Variants in GRID2 observed in about 807,000 individuals in gnomAD.
GRID2 encodes the protein glutamate receptor ionotropic, delta-2.
GRID2 carries 33 observed loss-of-function variants against 114.8 expected under a neutral mutation model. That is an observed-to-expected ratio of 0.29 (90% CI 0.22 to 0.38). GRID2 has a LOEUF of 0.38. Ranked by LOEUF, GRID2 falls within the 10% of genes least tolerant of loss-of-function variation. GRID2 has a pLI of 1.00. For synonymous variants in GRID2, 505 were observed against 449.9 expected (o/e 1.12, Z -1.55); for missense variants, 1,184 against 1,257.7 (o/e 0.94, Z 0.89).
intron 9 of GRID2, among the ~76,000 whole-genome samples, chr4:93,407,740 TC>T (rs1766626071): frequency 8.1e-6 from 1 of 123,196 alleles, no homozygotes; most frequent in East Asian, 2.3e-4. Context: ...CTCCTCCTCC[TC>T]CTCCTCCTCC....
At chr4:92,751,928 C>A (rs1450641181) in intron 2 of GRID2, among the ~76,000 whole-genome samples, 1 of 152,144 alleles carries the variant, frequency 6.6e-6, no homozygotes, top group African/African-American at 2.4e-5. Flanking sequence ...GCCACCTAGA[C>A]AGTTTGGATG....
At chr4:93,658,464 A>G (rs547749085) in intron 14 of GRID2, among the ~76,000 whole-genome samples, 18 of 152,320 alleles carry the variant, frequency 1.2e-4, no homozygotes, top group African/African-American at 2.9e-4. Context: ...AGAGCTTTAT[A>G]TACCTCTTGT....
chr4:92,332,138 A>T (rs530528511), intron 1 of GRID2, among the ~76,000 whole-genome samples: 1 of 152,292 alleles, frequency 6.6e-6, no homozygotes, highest in South Asian at 2.1e-4. Context: ...CTGCTGCTAT[A>T]GGATAATATC....
intron 14 of GRID2, among the ~76,000 whole-genome samples, chr4:93,716,318 G>T (rs191030193): frequency 1.3e-5 from 2 of 152,154 alleles, no homozygotes; most frequent in East Asian, 3.9e-4. Flanking sequence ...AAATAATTAC[G>T]TATTAAAATT....
chr4:93,361,045 C>T (rs2149274796), intron 8 of GRID2, among the ~76,000 whole-genome samples: 1 of 151,992 alleles, frequency 6.6e-6, no homozygotes, highest in Non-Finnish European at 1.5e-5. Flanking sequence ...ATAACCATTG[C>T]TATACTGGCT....
At chr4:92,735,295 T>TAGG (rs1736537857) in intron 2 of GRID2, among the ~76,000 whole-genome samples, 1 of 152,110 alleles carries the variant, frequency 6.6e-6, no homozygotes, top group Non-Finnish European at 1.5e-5. Context: ...TACATTATAT[T>TAGG]TTTCTTATAC....
At chr4:92,721,712 G>C (rs149599338) in intron 2 of GRID2, among the ~76,000 whole-genome samples, 1 of 152,000 alleles carries the variant, frequency 6.6e-6, no homozygotes, top group Non-Finnish European at 1.5e-5. Context: ...TAAATATTTT[G>C]TGGCTGCCTC....
intron 2 of GRID2, among the ~76,000 whole-genome samples, chr4:92,955,849 C>T (rs1035956727): frequency 3.3e-5 from 5 of 152,054 alleles, no homozygotes; most frequent in Non-Finnish European, 7.4e-5. Context: ...AGCCAGTTTT[C>T]CCAGCACCAT....
intron 1 of GRID2, among the ~76,000 whole-genome samples, chr4:92,483,555 G>A (rs1393502636): frequency 2.6e-5 from 4 of 152,044 alleles, no homozygotes; most frequent in Non-Finnish European, 4.4e-5. Flanking sequence ...TCACTGGGAC[G>A]ATCAAAGCTA....
At chr4:93,571,077 G>A (rs971518095) in intron 13 of GRID2, among the ~76,000 whole-genome samples, 11 of 152,046 alleles carry the variant, frequency 7.2e-5, no homozygotes, top group African/African-American at 2.7e-4. Context: ...GTCAAGATAA[G>A]TTTCTTTGAA....
chr4:92,666,789 A>G lies in GRID2; in HGVS notation c.244+76503A>G, dbSNP rs1158344553. On this transcript the variant is annotated intron_variant, in intron 2 of 15. Transcript: ENST00000282020. The stretch of plus-strand genomic sequence containing the variant: ...AATCTCTGGTTCACAAAAATGAGAA[A>G]AAGAAAAAATTAAGATTAAAAAAAA... 2.6e-5 allele frequency among the ~76,000 whole-genome samples: 4 copies of G among 151,118 alleles called. No individual in the cohort carries two copies. In the Admixed American group the frequency reaches 2.7e-4, roughly 10 times the overall value.
chr4:93,463,432 AT>A (rs1723938507), intron 11 of GRID2, among the ~76,000 whole-genome samples: 1 of 152,200 alleles, frequency 6.6e-6, no homozygotes, highest in African/African-American at 2.4e-5. Context: ...GAGTCAGAAA[AT>A]TCTTTCTCAT....
chr4:92,512,249 A>G (rs940055053), intron 1 of GRID2, among the ~76,000 whole-genome samples: 2 of 151,862 alleles, frequency 1.3e-5, no homozygotes, highest in African/African-American at 4.8e-5. Context: ...GTGTTATAAC[A>G]TATTTTACTT....
chr4:92,393,735 T>C (rs745789454), intron 1 of GRID2, among the ~76,000 whole-genome samples: 1 of 152,120 alleles, frequency 6.6e-6, no homozygotes, highest in Non-Finnish European at 1.5e-5. Context: ...ATTGGTCCAG[T>C]CAAAGGGGGT....
intron 7 of GRID2, among the ~76,000 whole-genome samples, chr4:93,235,283 T>A (rs1163650882): frequency 6.6e-6 from 1 of 152,184 alleles, no homozygotes; most frequent in East Asian, 1.9e-4. Context: ...GCAGCAATTT[T>A]TACTGCCAAT....
chr4:93,024,352 A>C (rs1723681149), intron 2 of GRID2, among the ~76,000 whole-genome samples: 1 of 151,752 alleles, frequency 6.6e-6, no homozygotes, highest in Non-Finnish European at 1.5e-5. Flanking sequence ...AGTTGTAGGA[A>C]TAGCTTATGG....
At chr4:93,721,486 G>A (rs1279901915) in intron 14 of GRID2, among the ~76,000 whole-genome samples, 2 of 152,118 alleles carry the variant, frequency 1.3e-5, no homozygotes, top group East Asian at 3.9e-4. Context: ...TTTTAGTCCT[G>A]GTGTCTAAAG....
chr4:93,482,723 C>A (rs1374896302), intron 11 of GRID2, among the ~76,000 whole-genome samples: 15 of 151,776 alleles, frequency 9.9e-5, no homozygotes, highest in Middle Eastern at 3.2e-3. Context: ...TAAATAAATT[C>A]TAAAAGGTAA....
At chr4:93,310,384 A>G (rs1242490338) in intron 8 of GRID2, among the ~76,000 whole-genome samples, 3 of 152,034 alleles carry the variant, frequency 2.0e-5, no homozygotes. Context: ...ACAAAAAGTT[A>G]ACCAGGTTTG....
Sources: allele counts gnomAD v4.1 joint callset (sites outside exome capture counted in the v4.1 genomes callset), GRCh38; gene constraint gnomAD v4.1.1; transcripts MANE v1.5; gene names NCBI Gene and HGNC (gene_info 2026-07-23, HGNC 2026-07-21).